The following AP2A1 variants were observed in gnomAD, a reference collection of about 807,000 sequenced individuals.
AP2A1 encodes AP-2 complex subunit alpha-1.
Under a neutral mutation model 107.3 loss-of-function variants are expected in AP2A1, and 21 were observed. The ratio of observed to expected loss-of-function variants is 0.20; its 90% confidence interval spans 0.14 to 0.28. The LOEUF (loss-of-function observed/expected upper bound fraction) is 0.28, where lower values mean the gene tolerates loss of function less well. Among genes scored for constraint, AP2A1 ranks in the 10% least tolerant of loss-of-function variants. The pLI is 1.00. For synonymous variants in AP2A1, 602 were observed against 564.8 expected (o/e 1.07, Z -0.93); for missense variants, 873 against 1,307.7 (o/e 0.67, Z 5.13).
chr19:49,796,284 T>A (rs1568584393), intron 7 of AP2A1: 1 of 153,086 alleles, frequency 6.5e-6, no homozygotes, highest in Non-Finnish European at 1.5e-5. Context: ...CAGTGTGATA[T>A]GCACACAGGG....
chr19:49,791,828 C>A, intron 4 of AP2A1, 107 bp from the exon 5 acceptor site: 1 of 1,429,666 alleles, frequency 7.0e-7, no homozygotes, highest in Non-Finnish European at 9.4e-7. Flanking sequence ...GTCTGTCCCT[C>A]TCGCTGGCCT....
chr19:49,803,275 C>A lies in AP2A1; in HGVS notation c.2255-12C>A, dbSNP rs1425566070. 18 of 1,613,678 alleles carry A rather than the reference C, an allele frequency of 1.1e-5. No homozygotes were observed. The highest frequency in any genetic ancestry group is 2.7e-5 in the African/African-American group (2 of 74,884). Reference sequence around the variant, plus strand: ...GACTCAGATGGAGCTCTGCCTCCCCCACCTACTGCAGGCCGCATGTATCTC... The same window carrying A: ...GACTCAGATGGAGCTCTGCCTCCCCAACCTACTGCAGGCCGCATGTATCTC... On this transcript the variant is annotated splice_polypyrimidine_tract_variant and intron_variant, in intron 17 of 22. Transcript: ENST00000354293.
intron 11 of AP2A1, among the ~76,000 whole-genome samples, chr19:49,800,441 G>A (rs537178484): frequency 6.6e-6 from 1 of 152,184 alleles, no homozygotes; most frequent in Admixed American, 6.5e-5. Flanking sequence ...GCCCCACACA[G>A]TCCTGTTTTT....
intron 15 of AP2A1, chr19:49,802,489 G>A: frequency 1.3e-6 from 2 of 1,592,214 alleles, no homozygotes; most frequent in East Asian, 2.2e-5. Context: ...TTGGCTGCCT[G>A]CCACGCCTGT....
At position 49,806,238 on chromosome 19, in the gene AP2A1, C is replaced by T. The variant is rs752834630; in HGVS notation, c.2775C>T (p.Pro925=). ...LQVGCLLRLE[P]NAQAQMYRLT... ...TGGGCTGTCTGCTTCGGCTGGAGCCCAATGCCCAGGCCCAGGTGAGTGCTG... is the reference window on the plus strand; with the variant it reads ...TGGGCTGTCTGCTTCGGCTGGAGCCTAATGCCCAGGCCCAGGTGAGTGCTG... The change falls in exon 22 of 23, where the codon CCC becomes CCT. Residue 925 remains proline (P), a synonymous_variant. Transcript: ENST00000354293. 6.2e-7 allele frequency: 1 copy of T among 1,607,602 alleles called. No individual in the cohort carries two copies. The highest frequency in any genetic ancestry group is 8.5e-7 in the Non-Finnish European group (1 of 1,177,426).
rs752274426 is a variant in AP2A1 at position 49,803,382 on chromosome 19, C to T, written c.2344+6C>T. ...CCCGGGAGACCTCCAGACTCATATC[C>T]TCTCAGGCCCGGCCCAGCCTCCTGC... On this transcript the variant is annotated splice_donor_region_variant and intron_variant, in intron 18 of 22. Coordinates refer to ENST00000354293, the MANE Select transcript of AP2A1 (RefSeq NM_130787.3). 1 of 1,612,514 alleles carries T rather than the reference C, an allele frequency of 6.2e-7. No homozygotes were observed. The highest frequency in any genetic ancestry group is 1.1e-5 in the South Asian group (1 of 91,050).
chr19:49,798,795 TC>T lies in AP2A1; in HGVS notation c.815-3del. 1 of 1,603,042 alleles carries T rather than the reference TC, an allele frequency of 6.2e-7. No individual in the cohort carries two copies. Among genetic ancestry groups the T allele is most frequent in the South Asian group, 1.1e-5 (1 of 88,748 alleles). On this transcript the variant is annotated splice_polypyrimidine_tract_variant and splice_region_variant and intron_variant, in intron 7 of 22. Coordinates refer to ENST00000354293, the MANE Select transcript of AP2A1 (RefSeq NM_130787.3). ...CTCAGCCGGGGGCGTCCCCTTCGTT[TC>T]CCCAGAGGATGCGGCTGTGAAGGGG...
At chr19:49,776,407 G>C (rs1272107724) in intron 1 of AP2A1, among the ~76,000 whole-genome samples, 1 of 152,014 alleles carries the variant, frequency 6.6e-6, no homozygotes, top group Non-Finnish European at 1.5e-5. Context: ...CCCGTCCCCT[G>C]CGCCATTCTC....
intron 4 of AP2A1, among the ~76,000 whole-genome samples, chr19:49,789,391 AG>A (rs1365948707): frequency 6.6e-6 from 1 of 152,052 alleles, no homozygotes; most frequent in Admixed American, 6.6e-5. Context: ...CCCAGGTTCA[AG>A]CGATTCTCCT....
At chr19:49,790,531 T>G (rs2073128950) in intron 4 of AP2A1, among the ~76,000 whole-genome samples, 2 of 152,122 alleles carry the variant, frequency 1.3e-5, no homozygotes, top group African/African-American at 4.8e-5. Context: ...GCCAAGTAGG[T>G]GGGTCTACAG....
chr19:49,785,305 G>A lies in AP2A1; in HGVS notation c.473+2581G>A. On this transcript the variant is annotated intron_variant, in intron 4 of 22. Coordinates refer to ENST00000354293, the MANE Select transcript of AP2A1 (RefSeq NM_130787.3). This position sits in a 1 kb window ranked among gnomAD's most constrained non-coding sequence, Gnocchi z 4.1. ...TCCAGGTCAGAGCTCGCGGTGGCTT[G>A]GACCAGGGCTGTGGCGGTCATGTGG... Among the ~76,000 whole-genome samples, 1 of 152,198 alleles carries A rather than the reference G, an allele frequency of 6.6e-6. No homozygotes were observed. The highest frequency in any genetic ancestry group is 1.5e-5 in the Non-Finnish European group (1 of 68,036).
chr19:49,787,849 G>A (rs2073093010), intron 4 of AP2A1, among the ~76,000 whole-genome samples: 1 of 152,152 alleles, frequency 6.6e-6, no homozygotes, highest in South Asian at 2.1e-4. Context: ...TGCCTAATGT[G>A]GACATTTCAT....
At chr19:49,773,837 T>C (rs2084590069) in intron 1 of AP2A1, among the ~76,000 whole-genome samples, 1 of 152,158 alleles carries the variant, frequency 6.6e-6, no homozygotes. Context: ...GGGAGCTGCC[T>C]GTGCAAAGGC....
Position 49,789,590 on chromosome 19 carries a change from C to CT in AP2A1, c.474-2326dup, listed in dbSNP as rs34385512. Among the ~76,000 whole-genome samples, 595 of 107,640 alleles carry CT rather than the reference C, an allele frequency of 5.5e-3. 10 individuals are homozygous for CT. Among genetic ancestry groups the CT allele is most frequent in the Non-Finnish European group, 6.9e-3 (375 of 54,598 alleles). The allele number at this position is 107,640 out of a possible 152,430, so 70.6% of individuals were successfully genotyped here. A position where few individuals can be genotyped will look rare whatever the true frequency, so the allele number is the denominator to read the frequency against. On this transcript the variant is annotated intron_variant, in intron 4 of 22. Transcript: ENST00000354293. ...ATAGGTGTGAGCCACTGCGCCTGGC[C>CT]TTTTTTTTTTTTTTTTTTTGTAGAG...
intron 1 of AP2A1, among the ~76,000 whole-genome samples, chr19:49,771,024 G>A (rs2084550703): frequency 6.6e-6 from 1 of 151,930 alleles, no homozygotes; most frequent in African/African-American, 2.4e-5. Context: ...GCTAATTTTT[G>A]TACTTTTAGT....
At chr19:49,781,153 G>A (rs2084670292) in intron 1 of AP2A1, among the ~76,000 whole-genome samples, 1 of 152,184 alleles carries the variant, frequency 6.6e-6, no homozygotes, top group Non-Finnish European at 1.5e-5. Flanking sequence ...GGTCCTGTCA[G>A]AGGTGTAGGA....
chr19:49,780,757 TC>T (rs2084665859), intron 1 of AP2A1, among the ~76,000 whole-genome samples: 1 of 152,092 alleles, frequency 6.6e-6, no homozygotes, highest in African/African-American at 2.4e-5. Flanking sequence ...ATACCTGTAA[TC>T]CCAGCATTTT....
intron 10 of AP2A1, 101 bp downstream of exon 10, chr19:49,799,867 C>A: frequency 6.4e-7 from 1 of 1,559,996 alleles, no homozygotes; most frequent in South Asian, 1.2e-5. Context: ...GGGGCCTGGA[C>A]TCCTGGGTCT....
In AP2A1 at chr19:49,788,887, G is replaced by A. The variant is rs554601054; in HGVS notation, c.474-3048G>A. Among the ~76,000 whole-genome samples, 53 of 152,198 alleles carry A rather than the reference G, an allele frequency of 3.5e-4. No homozygotes were observed. The highest frequency in any genetic ancestry group is 6.5e-4 in the Non-Finnish European group (44 of 68,022). On this transcript the variant is annotated intron_variant, in intron 4 of 22. Transcript: ENST00000354293. This position sits in a 1 kb window ranked among gnomAD's most constrained non-coding sequence, Gnocchi z 4.5. ...ACGTTTCTGTAGGGTGAGCGTCTGG[G>A]GGCAGCACTGCTGGTCTTGGTCTGC...
Sources: allele counts gnomAD v4.1 joint callset (sites outside exome capture counted in the v4.1 genomes callset), GRCh38; gene constraint gnomAD v4.1.1; non-coding constraint Gnocchi (gnomAD v3.1); transcripts MANE v1.5; gene names NCBI Gene and HGNC (gene_info 2026-07-23, HGNC 2026-07-21).